RIMS1: variants seen among roughly 807,000 people sequenced by gnomAD.
The protein encoded by RIMS1 is regulating synaptic membrane exocytosis 1.
In RIMS1, 83 loss-of-function variants were observed where a neutral mutation model predicts 214.1. That is an observed-to-expected ratio of 0.39 (90% CI 0.32 to 0.47). The LOEUF is 0.47. Among genes scored for constraint, RIMS1 ranks in the 20% least tolerant of loss-of-function variants. RIMS1 has a pLI of 0.99. For missense variants in RIMS1, 2,050 were observed against 2,161.8 expected (o/e 0.95, Z 1.03); for synonymous variants, 793 against 786.8 (o/e 1.01, Z -0.13).
chr6:72,204,266 C>T (rs1308484532), intron 6 of RIMS1, among the ~76,000 whole-genome samples: 1 of 152,176 alleles, frequency 6.6e-6, no homozygotes, highest in African/African-American at 2.4e-5. Flanking sequence ...TCTTGAGGAT[C>T]ATACAAAGGT....
At chr6:72,051,919 C>G (rs1824805559) in intron 2 of RIMS1, among the ~76,000 whole-genome samples, 2 of 151,186 alleles carry the variant, frequency 1.3e-5, no homozygotes, top group African/African-American at 4.9e-5. Flanking sequence ...TATTAGATGA[C>G]CAAAGAAGTT....
chr6:72,250,552 A>G (rs995165164), intron 13 of RIMS1, 92 bp downstream of exon 13: 23 of 941,180 alleles, frequency 2.4e-5, no homozygotes, highest in Admixed American at 2.0e-4. Context: ...AAAAAATATA[A>G]TAGATAATTC....
At chr6:71,940,915 G>A (rs529879418) in intron 1 of RIMS1, among the ~76,000 whole-genome samples, 1 of 152,184 alleles carries the variant, frequency 6.6e-6, no homozygotes, top group South Asian at 2.1e-4. Context: ...TGTCTCAAAA[G>A]GGCTGAGAAA....
chr6:72,151,682 ATCTG>A (rs1485169477), intron 4 of RIMS1, among the ~76,000 whole-genome samples: 1 of 152,094 alleles, frequency 6.6e-6, no homozygotes, highest in Non-Finnish European at 1.5e-5. Context: ...ATCTCTCTCT[ATCTG>A]TCTGTCTAAC....
intron 4 of RIMS1, among the ~76,000 whole-genome samples, chr6:72,135,201 G>A (rs1003158972): frequency 2.0e-5 from 3 of 152,028 alleles, no homozygotes; most frequent in African/African-American, 7.2e-5. Context: ...AAGCCCAAAA[G>A]AGTTCATTAA....
At chr6:72,290,568 T>C (rs2093213948) in intron 24 of RIMS1, 111 bp from the exon 25 acceptor site, 2 of 872,048 alleles carry the variant, frequency 2.3e-6, no homozygotes, top group Non-Finnish European at 3.5e-6. Flanking sequence ...GTTCTCTTCT[T>C]TGAAATTACT....
chr6:72,252,955 T>A lies in RIMS1; in HGVS notation c.2770+123T>A. The A allele has an allele frequency of 4.4e-6, 3 of 682,352 alleles. No homozygotes were observed. The South Asian group carries it at 6.1e-5, about 14-fold the overall frequency. 42.3% of individuals were successfully genotyped at this position (682,352 alleles called of 1,614,324 possible). A position where few individuals can be genotyped will look rare whatever the true frequency, so the allele number is the denominator to read the frequency against. On this transcript the variant is annotated intron_variant, in intron 16 of 33. Transcript: ENST00000521978. ...ATAGCACAGAGAAATCAGTATTATATTATTCCATGGTGACTTACATTTCAA... is the reference window on the plus strand; with the variant it reads ...ATAGCACAGAGAAATCAGTATTATAATATTCCATGGTGACTTACATTTCAA...
intron 29 of RIMS1, among the ~76,000 whole-genome samples, chr6:72,361,096 C>CTTTTTTTT (rs70994124): frequency 0.011 from 590 of 54,434 alleles, 16 homozygotes; most frequent in Non-Finnish European, 0.014. Flanking sequence ...GTCTTTCTTT[C>CTTTTTTTT]TTTTTTTTTT....
intron 6 of RIMS1, among the ~76,000 whole-genome samples, chr6:72,187,200 G>T (rs1020703778): frequency 6.6e-6 from 1 of 151,502 alleles, no homozygotes; most frequent in African/African-American, 2.4e-5. Context: ...GGAAGGAAGG[G>T]AGGGCTCATT....
intron 2 of RIMS1, among the ~76,000 whole-genome samples, chr6:72,077,498 G>C (rs1261179977): frequency 6.6e-6 from 1 of 152,128 alleles, no homozygotes; most frequent in Admixed American, 6.5e-5. Context: ...AGTGCTAAGG[G>C]GCTATGTCCA....
At chr6:72,088,198 TTTTTA>T (rs1447290810) in intron 2 of RIMS1, among the ~76,000 whole-genome samples, 1 of 150,754 alleles carries the variant, frequency 6.6e-6, no homozygotes, top group South Asian at 2.1e-4. Context: ...CTTGCATTAA[TTTTTA>T]TTTTATTTAT....
chr6:72,126,759 GT>G (rs1366653006), intron 4 of RIMS1: 2 of 102,120 alleles, frequency 2.0e-5, no homozygotes, highest in Non-Finnish European at 1.9e-5. Context: ...TAATTAAAAA[GT>G]TAAAAAAAAA....
chr6:72,168,731 T>G (rs893549259), intron 4 of RIMS1, among the ~76,000 whole-genome samples: 4 of 150,756 alleles, frequency 2.7e-5, no homozygotes, highest in African/African-American at 9.8e-5. Context: ...GTTTTTTTTT[T>G]TTTTTTTTTT....
At chr6:72,241,223 A>G (rs2066763414) in intron 9 of RIMS1, among the ~76,000 whole-genome samples, 1 of 152,220 alleles carries the variant, frequency 6.6e-6, no homozygotes, top group African/African-American at 2.4e-5. Flanking sequence ...ACTTGGCTAT[A>G]AAATGTATAC....
chr6:72,280,584 G>A (rs904638324), intron 23 of RIMS1, among the ~76,000 whole-genome samples: 2 of 151,934 alleles, frequency 1.3e-5, no homozygotes, highest in African/African-American at 4.8e-5. Flanking sequence ...GAATTATAAA[G>A]ACATATCCTT....
chr6:72,132,755 C>G (rs1490864408), intron 4 of RIMS1, among the ~76,000 whole-genome samples: 1 of 152,144 alleles, frequency 6.6e-6, no homozygotes, highest in East Asian at 1.9e-4. Flanking sequence ...CCGCCCCAAA[C>G]ATCTTATACT....
chr6:71,913,440 GT>G (rs1777493783), intron 1 of RIMS1, among the ~76,000 whole-genome samples: 2 of 152,006 alleles, frequency 1.3e-5, no homozygotes, highest in African/African-American at 4.8e-5. Context: ...CTTTTTATAA[GT>G]TTTGCAATCT....
chr6:72,396,194 A>T (rs937110645), intron 31 of RIMS1, among the ~76,000 whole-genome samples: 6 of 152,176 alleles, frequency 3.9e-5, no homozygotes, highest in African/African-American at 1.4e-4. Flanking sequence ...TGTTTGATAA[A>T]ATTCAGTTTT....
chr6:72,392,865 T>C, intron 31 of RIMS1, 55 bp downstream of exon 31: 2 of 1,247,304 alleles, frequency 1.6e-6, no homozygotes, highest in Non-Finnish European at 1.2e-6. Flanking sequence ...TTTGACAAAG[T>C]CATTTAAAAT....
Sources: gnomAD v4.1 joint callset for allele counts (sites outside exome capture counted in the v4.1 genomes callset) on GRCh38, gnomAD v4.1.1 for gene constraint, MANE v1.5 for transcripts, NCBI Gene and HGNC (gene_info 2026-07-23, HGNC 2026-07-21) for gene names.